The following RORA variants were observed in gnomAD, a reference collection of about 807,000 sequenced individuals.
The protein encoded by RORA is RAR related orphan receptor A.
RORA carries 7 observed loss-of-function variants against 69.5 expected under a neutral mutation model. The observed-to-expected ratio is 0.10, with a 90% CI of 0.06 to 0.19. The LOEUF (loss-of-function observed/expected upper bound fraction) is 0.19. Among genes scored for constraint, RORA ranks in the 10% least tolerant of loss-of-function variants. The probability of loss-of-function intolerance (pLI) is 1.00; values close to 1 mark genes in which losing one functional copy is unlikely to be tolerated. For synonymous variants in RORA, 261 were observed against 240.8 expected, an observed-to-expected ratio of 1.08 and a Z score of -0.78; for missense variants, 457 against 663.0, an observed-to-expected ratio of 0.69 and a Z score of 3.41.
intron 2 of RORA, among the ~76,000 whole-genome samples, chr15:60,559,758 C>A (rs1487518165): frequency 6.6e-6 from 1 of 152,212 alleles, no homozygotes; most frequent in Non-Finnish European, 1.5e-5. Context: ...CAAGTACATT[C>A]AGTTTGAGAG....
intron 1 of RORA, among the ~76,000 whole-genome samples, chr15:61,127,510 C>T (rs1247372256): frequency 1.3e-5 from 2 of 152,156 alleles, no homozygotes; most frequent in East Asian, 3.9e-4. Context: ...AAACAGATCT[C>T]CAAAGCAATG....
At chr15:60,542,021 G>A (rs1181564930) in intron 2 of RORA, among the ~76,000 whole-genome samples, 1 of 152,158 alleles carries the variant, frequency 6.6e-6, no homozygotes, top group African/African-American at 2.4e-5. Context: ...CCACTGTTTG[G>A]CAATGTGTGT....
chr15:60,911,397 C>T (rs1165754815), intron 1 of RORA, among the ~76,000 whole-genome samples: 5 of 152,084 alleles, frequency 3.3e-5, no homozygotes, highest in Non-Finnish European at 5.9e-5. Flanking sequence ...CAGATCAACC[C>T]AATTTTCTGT....
At chr15:60,624,517 A>G (rs2069517291) in intron 2 of RORA, among the ~76,000 whole-genome samples, 1 of 108,032 alleles carries the variant, frequency 9.3e-6, no homozygotes, top group African/African-American at 3.7e-5. Context: ...GTGTGTGTAT[A>G]TATATATATA....
intron 1 of RORA, among the ~76,000 whole-genome samples, chr15:60,921,942 T>C (rs1892060131): frequency 6.6e-6 from 1 of 152,106 alleles, no homozygotes; most frequent in Non-Finnish European, 1.5e-5. Context: ...TACACAAAAC[T>C]AAAGAGAATA....
chr15:60,999,497 A>G (rs945117971), intron 1 of RORA, among the ~76,000 whole-genome samples: 7 of 152,198 alleles, frequency 4.6e-5, no homozygotes, highest in African/African-American at 1.4e-4. Flanking sequence ...CCCATTTCAC[A>G]TGGGAAAATC....
At chr15:60,597,589 TATATACAC>T (rs1405112170) in intron 2 of RORA, among the ~76,000 whole-genome samples, 3 of 22,870 alleles carry the variant, frequency 1.3e-4, no homozygotes, top group Non-Finnish European at 2.4e-4. Flanking sequence ...TATATATATA[TATATACAC>T]ATATATATAT....
intron 1 of RORA, among the ~76,000 whole-genome samples, chr15:60,776,533 T>C (rs2072169474): frequency 6.6e-6 from 1 of 152,226 alleles, no homozygotes; most frequent in Admixed American, 6.5e-5. Context: ...TTTCTTTAAG[T>C]ACACGTGCTC....
intron 1 of RORA, among the ~76,000 whole-genome samples, chr15:60,715,370 T>A (rs895050304): frequency 6.6e-6 from 1 of 152,216 alleles, no homozygotes; most frequent in Non-Finnish European, 1.5e-5. Flanking sequence ...CTGTAAAACA[T>A]CTTCTTCCTT....
At chr15:61,176,829 G>T (rs954644306) in intron 1 of RORA, among the ~76,000 whole-genome samples, 6 of 152,140 alleles carry the variant, frequency 3.9e-5, no homozygotes, top group African/African-American at 1.4e-4. Context: ...TATTATTGTT[G>T]TTAAAATTAC....
chr15:60,573,142 C>T (rs2067928681), intron 2 of RORA, among the ~76,000 whole-genome samples: 1 of 152,220 alleles, frequency 6.6e-6, no homozygotes, highest in African/African-American at 2.4e-5. Flanking sequence ...ACACAATCCT[C>T]CGTCCTTTCA....
At chr15:60,521,929 T>C (rs142546812) in intron 3 of RORA, among the ~76,000 whole-genome samples, 1 of 152,302 alleles carries the variant, frequency 6.6e-6, no homozygotes, top group East Asian at 1.9e-4. Flanking sequence ...GATACGTGTC[T>C]TACCTTCTCT....
At chr15:60,856,895 A>G (rs2073386104) in intron 1 of RORA, among the ~76,000 whole-genome samples, 1 of 152,230 alleles carries the variant, frequency 6.6e-6, no homozygotes, top group Non-Finnish European at 1.5e-5. Context: ...AGATTCACCA[A>G]TTGGGTAAAC....
At chr15:60,642,741 A>G (rs892877657) in intron 2 of RORA, among the ~76,000 whole-genome samples, 3 of 152,174 alleles carry the variant, frequency 2.0e-5, no homozygotes, top group Non-Finnish European at 4.4e-5. Context: ...AAATTAGCCA[A>G]GTGTGGTAGT....
intron 2 of RORA, among the ~76,000 whole-genome samples, chr15:60,676,491 A>G (rs554017498): frequency 6.6e-6 from 1 of 152,318 alleles, no homozygotes; most frequent in East Asian, 1.9e-4. Flanking sequence ...GTAAACATCA[A>G]CCAAAACAAT....
intron 1 of RORA, among the ~76,000 whole-genome samples, chr15:60,882,795 T>C (rs2073699655): frequency 6.6e-6 from 1 of 152,206 alleles, no homozygotes. Context: ...GTTTGGTTTG[T>C]TACTTTTGTT....
At chr15:61,105,000 C>CT (rs888686105) in intron 1 of RORA, among the ~76,000 whole-genome samples, 1 of 143,388 alleles carries the variant, frequency 7.0e-6, no homozygotes, top group Admixed American at 7.0e-5. Context: ...GAGGCGCCCC[C>CT]CCCACCGCCC....
In RORA at chr15:60,678,584, G is replaced by C. The variant is rs185127786; in HGVS notation, c.196+73C>G. 3.6e-5 allele frequency: 41 copies of C among 1,134,740 alleles called. No individual in the cohort carries two copies. In the African/African-American group the frequency reaches 6.1e-4, roughly 17 times the overall value. 70.3% of individuals were successfully genotyped at this position (1,134,740 alleles called of 1,614,324 possible). A position where few individuals can be genotyped will look rare whatever the true frequency, so the allele number is the denominator to read the frequency against. ...TGAAACATTAGTATATACTTGAAGG[G>C]TCACAGCAGCCAGACATATGCGAAT... On this transcript the variant is annotated intron_variant, in intron 2 of 10. Coordinates refer to ENST00000335670, the MANE Select transcript of RORA (RefSeq NM_134261.3).
rs965390122 is a variant in RORA at position 61,128,983 on chromosome 15, C to A, written c.166+100070G>T. Reference sequence around the variant, plus strand: ...CCCTTAACCCTTTACAAAATAATAACTAGTGTCATGAATTAAAATAGCTGA... The same window carrying A: ...CCCTTAACCCTTTACAAAATAATAAATAGTGTCATGAATTAAAATAGCTGA... On this transcript the variant is annotated intron_variant, in intron 1 of 10. Transcript: ENST00000335670. This position sits in a 1 kb window ranked among gnomAD's most constrained non-coding sequence, Gnocchi z 4.5. Among the ~76,000 whole-genome samples the A allele has an allele frequency of 6.6e-6, 1 of 152,106 alleles. No homozygotes were observed. The highest frequency in any genetic ancestry group is 6.6e-5 in the Admixed American group (1 of 15,266).
Sources: allele counts gnomAD v4.1 joint callset (sites outside exome capture counted in the v4.1 genomes callset), GRCh38; gene constraint gnomAD v4.1.1; non-coding constraint Gnocchi (gnomAD v3.1); transcripts MANE v1.5; gene names NCBI Gene and HGNC (gene_info 2026-07-23, HGNC 2026-07-21).